Variants in MUC7 observed in about 807,000 individuals in gnomAD.
The protein encoded by MUC7 is mucin 7, secreted.
A neutral mutation model predicts 2.5 loss-of-function variants in MUC7; 2 were observed. The ratio of observed to expected loss-of-function variants is 0.81; its 90% CI spans 0.33 to 2.55. The LOEUF (loss-of-function observed/expected upper bound fraction) is 2.55. MUC7 is among the 30% of genes most tolerant of loss of function. MUC7 has a pLI of 0.11. For missense variants in MUC7, 408 were observed against 455.6 expected (o/e 0.90, Z 0.95); for synonymous variants, 133 against 173.4 (o/e 0.77, Z 1.83).
chr4:70,461,945 C>T (rs1734567893), intron 1 of MUC7, among the ~76,000 whole-genome samples: 1 of 152,212 alleles, frequency 6.6e-6, no homozygotes, highest in Non-Finnish European at 1.5e-5. Flanking sequence ...ACCATAGTGG[C>T]CCATGCCAGT....
chr4:70,443,567 C>T (rs181218757), intron 1 of MUC7, among the ~76,000 whole-genome samples: 6 of 152,166 alleles, frequency 3.9e-5, no homozygotes, highest in East Asian at 3.9e-4. Context: ...TGGTCAGCTT[C>T]GAAGCAAGTC....
chr4:70,458,563 A>G (rs1734467154), intron 1 of MUC7, among the ~76,000 whole-genome samples: 1 of 152,148 alleles, frequency 6.6e-6, no homozygotes, highest in South Asian at 2.1e-4. Context: ...TAATACCAAT[A>G]AGTTATAAAA....
chr4:70,467,006 G>T (rs1734700665), intron 1 of MUC7, among the ~76,000 whole-genome samples: 1 of 152,114 alleles, frequency 6.6e-6, no homozygotes, highest in South Asian at 2.1e-4. Context: ...CACATAATTG[G>T]AAGTAAAACA....
intron 2 of MUC7, among the ~76,000 whole-genome samples, chr4:70,479,449 A>G (rs1735105713): frequency 6.6e-6 from 1 of 152,174 alleles, no homozygotes; most frequent in Non-Finnish European, 1.5e-5. Context: ...TGTCCAAAGA[A>G]AGCTTTATAA....
At chr4:70,478,878 C>G (rs1220542562) in intron 2 of MUC7, among the ~76,000 whole-genome samples, 1 of 152,198 alleles carries the variant, frequency 6.6e-6, no homozygotes, top group Non-Finnish European at 1.5e-5. Context: ...TTCTGAAAAC[C>G]TATGCCCTTT....
intron 1 of MUC7, among the ~76,000 whole-genome samples, chr4:70,441,687 A>T (rs997593333): frequency 6.6e-6 from 1 of 152,238 alleles, no homozygotes; most frequent in Non-Finnish European, 1.5e-5. Flanking sequence ...TGTAAACTAA[A>T]AGTAGACTGA....
intron 1 of MUC7, among the ~76,000 whole-genome samples, chr4:70,433,747 A>G (rs944733833): frequency 6.6e-6 from 1 of 152,198 alleles, no homozygotes; most frequent in Admixed American, 6.5e-5. Context: ...CCTGGCCAGA[A>G]CTTCCAACAC....
At chr4:70,472,923 C>A (rs1734875569) in intron 1 of MUC7, among the ~76,000 whole-genome samples, 1 of 152,130 alleles carries the variant, frequency 6.6e-6, no homozygotes, top group Non-Finnish European at 1.5e-5. Flanking sequence ...TTTTCTAAAG[C>A]TGATAAGCTG....
At chr4:70,438,460 G>T (rs1733918470) in intron 1 of MUC7, among the ~76,000 whole-genome samples, 1 of 151,688 alleles carries the variant, frequency 6.6e-6, no homozygotes, top group African/African-American at 2.4e-5. Flanking sequence ...GTTTTGTTTT[G>T]GTTTGGTTTG....
At chr4:70,452,696 T>C (rs1435548919) in intron 1 of MUC7, among the ~76,000 whole-genome samples, 1 of 152,244 alleles carries the variant, frequency 6.6e-6, no homozygotes, top group Admixed American at 6.5e-5. Context: ...TCTTTTCATC[T>C]TTCCATTTAA....
intron 1 of MUC7, among the ~76,000 whole-genome samples, chr4:70,434,942 T>C (rs1733788010): frequency 6.6e-6 from 1 of 152,236 alleles, no homozygotes; most frequent in Admixed American, 6.5e-5. Flanking sequence ...ACATCTTTAT[T>C]TCTGCCTTCA....
chr4:70,452,463 TATC>T (rs1734302767), intron 1 of MUC7, among the ~76,000 whole-genome samples: 1 of 152,112 alleles, frequency 6.6e-6, no homozygotes, highest in African/African-American at 2.4e-5. Context: ...TTACAAATAA[TATC>T]ATATAACCCA....
At chr4:70,444,659 ACTGTCTCTATATAATCC>A (rs566813207) in intron 1 of MUC7, among the ~76,000 whole-genome samples, 2 of 152,324 alleles carry the variant, frequency 1.3e-5, no homozygotes, top group African/African-American at 4.8e-5. Context: ...ATCTATTTCT[ACTGTCTCTATATAATCC>A]CTGTTGCAGT....
At chr4:70,458,548 CA>C (rs1277058708) in intron 1 of MUC7, among the ~76,000 whole-genome samples, 1 of 150,272 alleles carries the variant, frequency 6.7e-6, no homozygotes, top group African/African-American at 2.5e-5. Context: ...CTACTCATAA[CA>C]AAATAATACC....
chr4:70,430,998 C>T (rs1733647111), intron 1 of MUC7, among the ~76,000 whole-genome samples: 1 of 152,030 alleles, frequency 6.6e-6, no homozygotes, highest in South Asian at 2.1e-4. Flanking sequence ...GTGATATTTC[C>T]TGTCTATCTG....
exon 1 of MUC7, chr4:70,430,502 A>G (rs1246394216): frequency 2.6e-5 from 4 of 152,158 alleles, no homozygotes; most frequent in African/African-American, 4.8e-5. Context: ...ACTCAATTAC[A>G]GTATTTCCTA....
At chr4:70,464,609 C>T (rs554674232) in intron 1 of MUC7, among the ~76,000 whole-genome samples, 2 of 152,220 alleles carry the variant, frequency 1.3e-5, no homozygotes, top group South Asian at 4.1e-4. Context: ...GTTTTCCCCT[C>T]ACAGTGTAAA....
intron 1 of MUC7, among the ~76,000 whole-genome samples, chr4:70,449,330 C>T (rs1484206966): frequency 1.3e-5 from 2 of 152,138 alleles, no homozygotes; most frequent in African/African-American, 2.4e-5. Context: ...AAGCAAAAGG[C>T]ATGTCTTACA....
chr4:70,468,094 G>C (rs149484900), upstream of MUC7, among the ~76,000 whole-genome samples: 116 of 152,218 alleles, frequency 7.6e-4, no homozygotes, highest in Middle Eastern at 3.4e-3. Flanking sequence ...ATGCAAGGCT[G>C]GTTCAACATA....
Sources: allele counts gnomAD v4.1 joint callset (sites outside exome capture counted in the v4.1 genomes callset), GRCh38; gene constraint gnomAD v4.1.1; transcripts MANE v1.5; gene names NCBI Gene and HGNC (gene_info 2026-07-23, HGNC 2026-07-21).